ACOXL: variants seen among roughly 807,000 people sequenced by gnomAD.
The protein encoded by ACOXL is acyl-coenzyme A oxidase-like protein.
ACOXL carries 70 observed loss-of-function variants against 71.9 expected under a neutral mutation model. The ratio of observed to expected loss-of-function variants is 0.97; its 90% CI spans 0.80 to 1.19. The LOEUF (loss-of-function observed/expected upper bound fraction) is 1.19, where lower values mean the gene tolerates loss of function less well. ACOXL is among the 50% of genes most tolerant of loss of function. The pLI is 0.00. For missense variants in ACOXL, 703 were observed against 736.3 expected (o/e 0.95, Z 0.52); for synonymous variants, 253 against 281.6 (o/e 0.90, Z 1.02).
intron 13 of ACOXL, among the ~76,000 whole-genome samples, chr2:110,991,034 G>T (rs1198033719): frequency 1.3e-5 from 2 of 152,118 alleles, no homozygotes; most frequent in African/African-American, 4.8e-5. Context: ...TTCTGTGAAA[G>T]AATTTGATAA....
At chr2:110,768,513 T>TGTGTGTGTGAGAGA (rs397975396) in intron 2 of ACOXL, 49 bp downstream of exon 2, 1,170 of 928,954 alleles carry the variant, frequency 1.3e-3, no homozygotes, top group South Asian at 3.7e-3. Context: ...TGTGTGTGTG[T>TGTGTGTGTGAGAGA]GAGAGAGAGA....
At chr2:110,943,093 GAGGA>G (rs1447897983) in intron 12 of ACOXL, among the ~76,000 whole-genome samples, 2 of 134,256 alleles carry the variant, frequency 1.5e-5, no homozygotes, top group African/African-American at 5.6e-5. Context: ...GAGAGGGAGG[GAGGA>G]AGGAAGGTAG....
At chr2:110,997,361 T>C (rs1009028817) in intron 14 of ACOXL, among the ~76,000 whole-genome samples, 1 of 152,058 alleles carries the variant, frequency 6.6e-6, no homozygotes, top group South Asian at 2.1e-4. Context: ...AAAAGACTTA[T>C]ACTTAGACAT....
intron 8 of ACOXL, among the ~76,000 whole-genome samples, chr2:110,803,501 A>T (rs921888749): frequency 1.3e-5 from 2 of 152,214 alleles, no homozygotes; most frequent in Non-Finnish European, 2.9e-5. Flanking sequence ...TTTACTGCCT[A>T]CCATATACAA....
chr2:111,058,455 G>A lies in ACOXL; in HGVS notation c.1440+9167G>A, dbSNP rs1164827328. On this transcript the variant is annotated intron_variant, in intron 16 of 17. Transcript: ENST00000439055. ...AGTCACGCTGGATGGATTGACGAAG[G>A]CAGCAAAGCCTAGCAGTCACACTGA... Among the ~76,000 whole-genome samples, 5 of 152,292 alleles carry A rather than the reference G, an allele frequency of 3.3e-5. No homozygotes were observed. In the South Asian group the frequency reaches 1.0e-3, roughly 32 times the overall value.
intron 17 of ACOXL, among the ~76,000 whole-genome samples, chr2:111,111,345 C>T (rs1331174941): frequency 6.6e-6 from 1 of 152,150 alleles, no homozygotes; most frequent in Non-Finnish European, 1.5e-5. Context: ...AGCAATCCAC[C>T]CACCTCGGCC....
At chr2:111,049,385 A>T (rs2066171846) in intron 16 of ACOXL, 97 bp downstream of exon 16, 1 of 963,942 alleles carries the variant, frequency 1.0e-6, no homozygotes, top group African/African-American at 1.6e-5. Flanking sequence ...TAAATTTATC[A>T]TGTCTGAATC....
At chr2:110,848,224 T>A (rs937874967) in intron 10 of ACOXL, among the ~76,000 whole-genome samples, 1 of 152,320 alleles carries the variant, frequency 6.6e-6, no homozygotes, top group South Asian at 2.1e-4. Context: ...TAAACAAAAA[T>A]GCCTTTCTGC....
intron 16 of ACOXL, among the ~76,000 whole-genome samples, chr2:111,062,651 T>C (rs570304494): frequency 2.0e-5 from 3 of 152,172 alleles, no homozygotes; most frequent in African/African-American, 7.2e-5. Context: ...CACGTCAAAT[T>C]GGTGGAACAT....
At chr2:110,771,761 C>T (rs1208156654) in intron 2 of ACOXL, among the ~76,000 whole-genome samples, 1 of 152,228 alleles carries the variant, frequency 6.6e-6, no homozygotes, top group African/African-American at 2.4e-5. Context: ...GTGACATCAC[C>T]TTTGTGCACC....
At chr2:110,845,656 A>G (rs1014504073) in intron 10 of ACOXL, among the ~76,000 whole-genome samples, 3 of 152,174 alleles carry the variant, frequency 2.0e-5, no homozygotes, top group African/African-American at 7.2e-5. Flanking sequence ...TGACTATTCT[A>G]GGGACTTTAT....
At chr2:110,833,798 G>C (rs1690132487) in intron 9 of ACOXL, among the ~76,000 whole-genome samples, 3 of 152,086 alleles carry the variant, frequency 2.0e-5, no homozygotes, top group African/African-American at 7.2e-5. Context: ...AATTTTTGGA[G>C]GGTAAGAATT....
chr2:110,939,292 G>A lies in ACOXL; in HGVS notation c.1059+5650G>A, dbSNP rs1173447453. 2.0e-5 allele frequency among the ~76,000 whole-genome samples: 3 copies of A among 152,122 alleles called. No homozygotes were observed. In the East Asian group the frequency reaches 5.8e-4, roughly 29 times the overall value. Reference sequence around the variant, plus strand: ...ACAAAAGTAATATATATCCATTGTAGAAAGTTTTGAGAATAAAGAAAAGCA... The same window carrying A: ...ACAAAAGTAATATATATCCATTGTAAAAAGTTTTGAGAATAAAGAAAAGCA... On this transcript the variant is annotated intron_variant, in intron 12 of 17. Coordinates refer to ENST00000439055, the MANE Select transcript of ACOXL (RefSeq NM_001142807.4).
At chr2:110,819,449 T>C (rs974398336) in intron 9 of ACOXL, among the ~76,000 whole-genome samples, 1 of 151,664 alleles carries the variant, frequency 6.6e-6, no homozygotes, top group Non-Finnish European at 1.5e-5. Context: ...CTGACCGAAG[T>C]TGGGGGAGAA....
intron 10 of ACOXL, among the ~76,000 whole-genome samples, chr2:110,898,010 G>A (rs28855668): frequency 0.31 from 47,355 of 151,812 alleles, 7,735 homozygotes; most frequent in Middle Eastern, 0.38. Flanking sequence ...GAATAAATTC[G>A]TTAAAAAACC....
intron 17 of ACOXL, among the ~76,000 whole-genome samples, chr2:111,111,300 A>G (rs1250028821): frequency 6.6e-6 from 1 of 151,698 alleles, no homozygotes; most frequent in Non-Finnish European, 1.5e-5. Flanking sequence ...GGGTTTCACC[A>G]TGTTGCCCAG....
intron 11 of ACOXL, among the ~76,000 whole-genome samples, chr2:110,916,885 A>T (rs910564707): frequency 6.6e-6 from 1 of 152,234 alleles, no homozygotes; most frequent in East Asian, 1.9e-4. Flanking sequence ...GGATAGACCA[A>T]TAACAAGTTC....
chr2:110,831,458 C>A (rs1309077471), intron 9 of ACOXL, among the ~76,000 whole-genome samples: 2 of 152,064 alleles, frequency 1.3e-5, no homozygotes, highest in African/African-American at 4.8e-5. Flanking sequence ...AAAGAAGATT[C>A]AAAGAAATGG....
chr2:110,995,095 A>C (rs2063332254), intron 13 of ACOXL, among the ~76,000 whole-genome samples: 1 of 151,650 alleles, frequency 6.6e-6, no homozygotes, highest in African/African-American at 2.4e-5. Flanking sequence ...ATATTTGATT[A>C]TTAATATCCA....
Sources: allele counts gnomAD v4.1 joint callset (sites outside exome capture counted in the v4.1 genomes callset), GRCh38; gene constraint gnomAD v4.1.1; transcripts MANE v1.5; gene names NCBI Gene and HGNC (gene_info 2026-07-23, HGNC 2026-07-21).